BABAM2: variants seen among roughly 807,000 people sequenced by gnomAD.
BABAM2 encodes the protein BRISC and BRCA1 A complex member 2.
BABAM2 carries 31 observed loss-of-function variants against 54.7 expected under a neutral mutation model. That is an observed-to-expected ratio of 0.57 (90% CI 0.43 to 0.77). The LOEUF (loss-of-function observed/expected upper bound fraction) is 0.77. BABAM2 is among the 30% of genes least tolerant of loss of function. BABAM2 has a pLI of 0.00. For synonymous variants in BABAM2, 167 were observed against 162.9 expected (o/e 1.03, Z -0.19); for missense variants, 364 against 455.8 (o/e 0.80, Z 1.83).
intron 11 of BABAM2, among the ~76,000 whole-genome samples, chr2:28,312,297 A>C (rs1011557685): frequency 1.3e-5 from 2 of 152,186 alleles, no homozygotes; most frequent in African/African-American, 2.4e-5. Context: ...ACCTGTGAAA[A>C]TGAACTAGAT....
intron 5 of BABAM2, among the ~76,000 whole-genome samples, chr2:28,027,611 C>T (rs1281624299): frequency 6.6e-6 from 1 of 152,208 alleles, no homozygotes; most frequent in Non-Finnish European, 1.5e-5. Flanking sequence ...GTTTGAGGTT[C>T]ATCCATGTTG....
chr2:28,007,587 T>G (rs1467482058), intron 4 of BABAM2, among the ~76,000 whole-genome samples: 2 of 152,052 alleles, frequency 1.3e-5, no homozygotes, highest in African/African-American at 4.8e-5. Flanking sequence ...ATTATAAGGT[T>G]TATGAAAAAC....
At chr2:28,072,715 G>T (rs765872121) in intron 6 of BABAM2, among the ~76,000 whole-genome samples, 3 of 152,158 alleles carry the variant, frequency 2.0e-5, no homozygotes, top group Non-Finnish European at 2.9e-5. Flanking sequence ...GAAATATTTA[G>T]CTATTACAGT....
At chr2:28,081,245 C>T (rs1057039189) in intron 6 of BABAM2, among the ~76,000 whole-genome samples, 4 of 152,150 alleles carry the variant, frequency 2.6e-5, no homozygotes, top group Non-Finnish European at 4.4e-5. Flanking sequence ...CAGGGCAAAG[C>T]GCCTGCATGT....
At chr2:27,924,613 A>G (rs1327367643) in intron 2 of BABAM2, among the ~76,000 whole-genome samples, 1 of 152,034 alleles carries the variant, frequency 6.6e-6, no homozygotes, top group Non-Finnish European at 1.5e-5. Flanking sequence ...TGAACTCCTG[A>G]CCTCAGGTGA....
chr2:28,090,997 T>C (rs905938577), intron 6 of BABAM2, among the ~76,000 whole-genome samples: 1 of 152,242 alleles, frequency 6.6e-6, no homozygotes, highest in Admixed American at 6.5e-5. Flanking sequence ...AAATATTGGA[T>C]ATCAGTGTTT....
chr2:28,070,336 G>T (rs368036629), intron 6 of BABAM2, among the ~76,000 whole-genome samples: 1 of 152,090 alleles, frequency 6.6e-6, no homozygotes, highest in Non-Finnish European at 1.5e-5. Context: ...TTATCTTTGA[G>T]CATTCCTACT....
intron 10 of BABAM2, among the ~76,000 whole-genome samples, chr2:28,282,721 C>T (rs183947720): frequency 2.0e-5 from 3 of 152,138 alleles, no homozygotes; most frequent in East Asian, 1.9e-4. Context: ...TATTTATAGC[C>T]GGGCACGGTG....
chr2:27,958,542 A>G (rs968987218), intron 3 of BABAM2, among the ~76,000 whole-genome samples: 1 of 149,936 alleles, frequency 6.7e-6, no homozygotes, highest in African/African-American at 2.4e-5. Flanking sequence ...AAACTTATAT[A>G]TGTTTATATA....
chr2:27,947,988 G>C (rs1378537829), intron 3 of BABAM2, among the ~76,000 whole-genome samples: 1 of 151,974 alleles, frequency 6.6e-6, no homozygotes, highest in Non-Finnish European at 1.5e-5. Flanking sequence ...TTTGATTGCT[G>C]TAGTTTGATA....
chr2:28,176,856 A>G (rs1675054480), intron 7 of BABAM2, among the ~76,000 whole-genome samples: 1 of 92,782 alleles, frequency 1.1e-5, no homozygotes, highest in East Asian at 1.9e-4. Context: ...AAAAAAAAAA[A>G]AGAAGAAGGA....
At chr2:28,026,870 ATATT>A (rs1198726201) in intron 5 of BABAM2, among the ~76,000 whole-genome samples, 1 of 75,504 alleles carries the variant, frequency 1.3e-5, no homozygotes, top group African/African-American at 6.0e-5. Context: ...ATAGATATAT[ATATT>A]TATATATATA....
At chr2:28,336,817 C>T (rs1292557057) in intron 11 of BABAM2, among the ~76,000 whole-genome samples, 4 of 152,366 alleles carry the variant, frequency 2.6e-5, no homozygotes, top group East Asian at 1.9e-4. Context: ...TGTCAGATTG[C>T]GTGGGGCTCT....
chr2:28,179,530 G>A (rs146363665), intron 7 of BABAM2, among the ~76,000 whole-genome samples: 2,007 of 152,212 alleles, frequency 0.013, 29 homozygotes, highest in South Asian at 0.05. Flanking sequence ...CATACCAAAT[G>A]GGGAAAAGCT....
At chr2:28,171,285 G>C (rs1012033940) in intron 7 of BABAM2, among the ~76,000 whole-genome samples, 2 of 152,166 alleles carry the variant, frequency 1.3e-5, no homozygotes, top group African/African-American at 4.8e-5. Context: ...TGTTCTAATA[G>C]TCGTGTCTGT....
At chr2:28,275,807 T>C (rs948926262) in intron 10 of BABAM2, among the ~76,000 whole-genome samples, 1 of 152,018 alleles carries the variant, frequency 6.6e-6, no homozygotes, top group Non-Finnish European at 1.5e-5. Context: ...ACAAAGAAAA[T>C]TGCAGAGTCT....
At chr2:28,177,119 A>G (rs1573760370) in intron 7 of BABAM2, among the ~76,000 whole-genome samples, 1 of 152,188 alleles carries the variant, frequency 6.6e-6, no homozygotes, top group Non-Finnish European at 1.5e-5. Flanking sequence ...TAGTCAAACT[A>G]TCAAAAGCCA....
chr2:27,935,626 T>A (rs1668431790), intron 3 of BABAM2, among the ~76,000 whole-genome samples: 1 of 152,236 alleles, frequency 6.6e-6, no homozygotes, highest in Admixed American at 6.5e-5. Flanking sequence ...TTGACTCCAG[T>A]TTTGAAAGAA....
chr2:28,013,728 CACGT>C (rs1674584185), intron 4 of BABAM2, among the ~76,000 whole-genome samples: 1 of 139,076 alleles, frequency 7.2e-6, no homozygotes, highest in African/African-American at 2.8e-5. Flanking sequence ...CACACACACA[CACGT>C]GTGTGTGTGT....
Sources: allele counts gnomAD v4.1 joint callset (sites outside exome capture counted in the v4.1 genomes callset), GRCh38; gene constraint gnomAD v4.1.1; transcripts MANE v1.5; gene names NCBI Gene and HGNC (gene_info 2026-07-23, HGNC 2026-07-21).